Variants in SRPRB observed in about 807,000 individuals in gnomAD.
SRPRB encodes the protein SRP receptor subunit beta.
In SRPRB, 20 loss-of-function variants were observed where a neutral mutation model predicts 31.9. The ratio of observed to expected loss-of-function variants is 0.63; its 90% confidence interval spans 0.44 to 0.91. The LOEUF (loss-of-function observed/expected upper bound fraction) is 0.91, where lower values mean the gene tolerates loss of function less well. Among genes scored for constraint, SRPRB ranks in the 40% least tolerant of loss-of-function variants. The probability of loss-of-function intolerance (pLI) is 0.00; values close to 1 mark genes in which losing one functional copy is unlikely to be tolerated. For missense variants in SRPRB, 321 were observed against 324.9 expected (o/e 0.99, Z 0.09); for synonymous variants, 146 against 132.8 (o/e 1.10, Z -0.68).
At chr3:133,792,481 G>GTGGAGTCAGATGC (rs1387757531) in intron 1 of SRPRB, 2 of 152,160 alleles carry the variant, frequency 1.3e-5, no homozygotes, top group Non-Finnish European at 2.9e-5. Flanking sequence ...CCTGAGACAC[G>GTGGAGTCAGATGC]TGGAGTCAGA....
At chr3:133,824,429 G>A (rs1200723435), downstream of SRPRB, 2 of 152,188 alleles carry the variant, frequency 1.3e-5, no homozygotes, top group East Asian at 3.9e-4. Flanking sequence ...GGGAGAAGTG[G>A]ACACACACCG....
Position 133,819,544 on chromosome 3 carries a change from G to T in SRPRB, c.603-9G>T, listed in dbSNP as rs1343539144. On this transcript the variant is annotated splice_polypyrimidine_tract_variant and intron_variant, in intron 6 of 6. Transcript: ENST00000678299. ...TTTGCCTCCTGACTTCTTTCCTTTTGCCCCACAGCAACACCTTACGAGTTA... is the reference window on the plus strand; with the variant it reads ...TTTGCCTCCTGACTTCTTTCCTTTTTCCCCACAGCAACACCTTACGAGTTA... 1.2e-6 allele frequency: 2 copies of T among 1,603,082 alleles called. No individual in the cohort carries two copies. Among genetic ancestry groups the T allele is most frequent in the South Asian group, 2.2e-5 (2 of 90,830 alleles).
intron 1 of SRPRB, chr3:133,791,407 A>G (rs919142540): frequency 3.9e-5 from 6 of 152,106 alleles, no homozygotes; most frequent in Non-Finnish European, 5.9e-5. Flanking sequence ...GCTTTGGGAG[A>G]CAGAACCCAG....
At chr3:133,823,754 G>T (rs1935510872), downstream of SRPRB, among the ~76,000 whole-genome samples, 1 of 152,126 alleles carries the variant, frequency 6.6e-6, no homozygotes, top group Non-Finnish European at 1.5e-5. Flanking sequence ...AACTGGTGTG[G>T]TGTGGGGCTG....
chr3:133,814,496 T>G (rs915407924), intron 4 of SRPRB, among the ~76,000 whole-genome samples: 3 of 151,890 alleles, frequency 2.0e-5, no homozygotes, highest in South Asian at 2.1e-4. Flanking sequence ...TGGAGTGCAG[T>G]GGCATGATCT....
chr3:133,825,788 CCTGCTAAT>C (rs1364550724), downstream of SRPRB: 1 of 152,224 alleles, frequency 6.6e-6, no homozygotes, highest in Non-Finnish European at 1.5e-5. Context: ...CCAAGAGGAT[CCTGCTAAT>C]CTGCCAGGTC....
upstream of SRPRB, among the ~76,000 whole-genome samples, chr3:133,804,221 G>A (rs76677689): frequency 0.011 from 1,618 of 151,942 alleles, 89 homozygotes; most frequent in East Asian, 0.17. Context: ...CTCCCAAAGC[G>A]CTGGGATTAA....
intron 1 of SRPRB, among the ~76,000 whole-genome samples, chr3:133,799,992 C>T (rs1476437551): frequency 6.6e-6 from 1 of 152,218 alleles, no homozygotes; most frequent in Admixed American, 6.5e-5. Context: ...AAAGCCAGGA[C>T]AGCTGTGGCT....
chr3:133,813,112 G>T (rs1935304855), intron 4 of SRPRB, among the ~76,000 whole-genome samples: 1 of 152,232 alleles, frequency 6.6e-6, no homozygotes, highest in African/African-American at 2.4e-5. Context: ...TTGCAGATGA[G>T]AATGTTTTTG....
chr3:133,804,654 G>A (rs1191863854), upstream of SRPRB, among the ~76,000 whole-genome samples: 1 of 151,826 alleles, frequency 6.6e-6, no homozygotes, highest in Non-Finnish European at 1.5e-5. Flanking sequence ...TTTTGTGACA[G>A]TTTTTGTCAT....
intron 5 of SRPRB, 51 bp downstream of exon 5, chr3:133,815,777 C>T (rs1049931073): frequency 6.3e-7 from 1 of 1,588,600 alleles, no homozygotes. Context: ...GGGATTGCTG[C>T]TACTAAGAAT....
chr3:133,812,323 G>C (rs997788270), intron 4 of SRPRB, among the ~76,000 whole-genome samples: 2 of 152,230 alleles, frequency 1.3e-5, no homozygotes, highest in Admixed American at 1.3e-4. Flanking sequence ...ATTTGTCACA[G>C]ATAAGAAAAT....
rs1475329086 is a variant in SRPRB at position 133,806,107 on chromosome 3, G to T, written c.154+105G>T. 2.1e-6 allele frequency: 3 copies of T among 1,425,862 alleles called. No individual in the cohort carries two copies. The South Asian group carries it at 4.3e-5, about 20-fold the overall frequency. The allele number at this position is 1,425,862 out of a possible 1,614,324, so 88.3% of individuals were successfully genotyped here. On this transcript the variant is annotated intron_variant, in intron 1 of 6. Transcript: ENST00000678299. ...CGCGGGGCTGAGAGGGCGCCTTGAG[G>T]GCATCAGGAGGGTGAGACCCACCCA...
At chr3:133,815,760 T>G (rs755138862) in intron 5 of SRPRB, 34 bp downstream of exon 5, 1 of 1,603,360 alleles carries the variant, frequency 6.2e-7, no homozygotes, top group Non-Finnish European at 8.5e-7. Context: ...AATAATTGAG[T>G]TTTTTGGGGA....
upstream of SRPRB, chr3:133,805,623 A>G (rs1381278342): frequency 2.3e-6 from 1 of 428,620 alleles, no homozygotes; most frequent in Non-Finnish European, 4.1e-6. Context: ...TCATCTCTTA[A>G]AAGATGTGTG....
chr3:133,815,487 T>A, intron 4 of SRPRB, 103 bp from the exon 5 acceptor site: 2 of 1,394,120 alleles, frequency 1.4e-6, no homozygotes, highest in East Asian at 4.6e-5. Flanking sequence ...CTGCTGAGTG[T>A]TAATCACCAA....
intron 6 of SRPRB, 109 bp from the exon 7 acceptor site, chr3:133,819,444 G>A (rs910294070): frequency 2.2e-6 from 2 of 890,654 alleles, no homozygotes; most frequent in African/African-American, 3.4e-5. Flanking sequence ...AGCATAATTG[G>A]CAATTCTATA....
In SRPRB at chr3:133,798,958, C is replaced by T. The variant is rs1051876474; in HGVS notation, c.-173-6718C>T. On this transcript the variant is annotated intron_variant, in intron 1 of 7. Coordinates refer to the SRPRB transcript ENST00000466490. ...TACTAGAGACAGTTACTAGATAACACACATAGAGCCAACACACATCTAAAA... is the reference window on the plus strand; with the variant it reads ...TACTAGAGACAGTTACTAGATAACATACATAGAGCCAACACACATCTAAAA... Among the ~76,000 whole-genome samples the T allele has an allele frequency of 2.0e-5, 3 of 151,776 alleles. No individual in the cohort carries two copies. In the East Asian group the frequency reaches 5.8e-4, roughly 29 times the overall value.
downstream of SRPRB, chr3:133,825,363 A>G (rs974994129): frequency 6.6e-6 from 1 of 152,070 alleles, no homozygotes; most frequent in African/African-American, 2.4e-5. Flanking sequence ...CTTAACTACC[A>G]CCATTTCAAT....
Sources: allele counts gnomAD v4.1 joint callset (sites outside exome capture counted in the v4.1 genomes callset), GRCh38; gene constraint gnomAD v4.1.1; transcripts MANE v1.5; gene names NCBI Gene and HGNC (gene_info 2026-07-23, HGNC 2026-07-21).